Variants in NEBL observed in about 807,000 individuals in gnomAD.
The protein encoded by NEBL is LIM and SH3 protein 2.
In NEBL, 122 loss-of-function variants were observed where a neutral mutation model predicts 140.2. That is an observed-to-expected ratio of 0.87 (90% confidence interval 0.75 to 1.01). The LOEUF (loss-of-function observed/expected upper bound fraction) is 1.01. Ranked by LOEUF, NEBL falls within the 50% of genes least tolerant of loss-of-function variation. The pLI is 0.00. For missense variants in NEBL, 1,365 were observed against 1,231.3 expected (o/e 1.11, Z -1.62); for synonymous variants, 436 against 398.9 (o/e 1.09, Z -1.11).
At chr10:21,084,311 C>G (rs927268635) in intron 2 of NEBL, among the ~76,000 whole-genome samples, 7 of 152,370 alleles carry the variant, frequency 4.6e-5, no homozygotes, top group African/African-American at 1.7e-4. Flanking sequence ...GTCTGTATGG[C>G]TTGCCTCCTC....
intron 3 of NEBL, among the ~76,000 whole-genome samples, chr10:21,005,131 G>A (rs1035632255): frequency 2.0e-5 from 3 of 152,192 alleles, no homozygotes; most frequent in African/African-American, 7.2e-5. Flanking sequence ...AGGACAGAAA[G>A]TTCAATTGCA....
intron 2 of NEBL, among the ~76,000 whole-genome samples, chr10:21,111,575 T>C (rs940748607): frequency 1.3e-5 from 2 of 151,198 alleles, no homozygotes; most frequent in African/African-American, 2.4e-5. Flanking sequence ...CCTTACACCA[T>C]ATACAAAAAT....
upstream of NEBL, chr10:20,899,308 T>C (rs1298597476): frequency 1.0e-6 from 1 of 995,036 alleles, no homozygotes; most frequent in Non-Finnish European, 1.4e-6. Context: ...GAGACACACC[T>C]TTTGGCTCAT....
intron 2 of NEBL, among the ~76,000 whole-genome samples, chr10:21,168,768 G>A (rs942683695): frequency 7.9e-5 from 12 of 151,872 alleles, no homozygotes; most frequent in Admixed American, 1.3e-4. Flanking sequence ...CTCAACAGTG[G>A]CCGGGCGCGG....
intron 3 of NEBL, among the ~76,000 whole-genome samples, chr10:21,230,340 T>C (rs1280312059): frequency 6.6e-6 from 1 of 152,148 alleles, no homozygotes; most frequent in Non-Finnish European, 1.5e-5. Flanking sequence ...TGTCCTAGGA[T>C]GAGCTGAGCA....
intron 2 of NEBL, among the ~76,000 whole-genome samples, chr10:21,060,552 C>T (rs1474966244): frequency 6.6e-6 from 1 of 151,940 alleles, no homozygotes; most frequent in East Asian, 1.9e-4. Flanking sequence ...TAATATTTTC[C>T]CCCTCTACTG....
In NEBL at chr10:21,028,235, CAAAAAAAAA is replaced by C. The variant is rs1168946872; in HGVS notation, c.165-8043_165-8035del. Among the ~76,000 whole-genome samples the C allele has an allele frequency of 1.5e-4, 10 of 66,238 alleles. No homozygotes were observed. The Admixed American group carries it at 1.6e-3, about 11-fold the overall frequency. The allele number at this position is 66,238 out of a possible 152,430, so 43.5% of individuals were successfully genotyped here. Reference sequence around the variant, plus strand: ...GAGCGAGACTCCATCTCAAACATCTCAAAAAAAAAAAAAAAAAAAAAGAAGAAGAAGAAG... The same window carrying C: ...GAGCGAGACTCCATCTCAAACATCTCAAAAAAAAAAAAGAAGAAGAAGAAG... On this transcript the variant is annotated intron_variant, in intron 2 of 6. Transcript: ENST00000417816.
chr10:21,159,643 A>G (rs528087060), intron 2 of NEBL, among the ~76,000 whole-genome samples: 2 of 152,234 alleles, frequency 1.3e-5, no homozygotes, highest in South Asian at 4.1e-4. Context: ...TCCAATCTGG[A>G]CAAGAGGCAC....
intron 2 of NEBL, among the ~76,000 whole-genome samples, chr10:21,125,351 C>T (rs1266336607): frequency 6.6e-6 from 1 of 152,140 alleles, no homozygotes; most frequent in Non-Finnish European, 1.5e-5. Context: ...CATCATAAGA[C>T]TCCTATGAAA....
intron 2 of NEBL, among the ~76,000 whole-genome samples, chr10:21,104,720 T>C (rs1254586022): frequency 1.8e-4 from 27 of 152,206 alleles, no homozygotes; most frequent in Admixed American, 1.8e-3. Flanking sequence ...TTTTTATTAC[T>C]TTCTCCTGCC....
At chr10:20,995,979 G>A (rs1189639549) in intron 3 of NEBL, among the ~76,000 whole-genome samples, 3 of 151,894 alleles carry the variant, frequency 2.0e-5, no homozygotes, top group African/African-American at 4.8e-5. Context: ...TCTTATAAAG[G>A]AAGAGTACCT....
chr10:20,886,764 G>A (rs941863188), intron 4 of NEBL, among the ~76,000 whole-genome samples: 5 of 152,170 alleles, frequency 3.3e-5, no homozygotes, highest in African/African-American at 1.2e-4. Flanking sequence ...TCATTGGGTT[G>A]TTTTGAGGAC....
intron 2 of NEBL, among the ~76,000 whole-genome samples, chr10:21,075,123 AAAG>A (rs1348337401): frequency 2.0e-5 from 3 of 152,250 alleles, no homozygotes; most frequent in Non-Finnish European, 2.9e-5. Flanking sequence ...ATTTTTTTAA[AAAG>A]AAGAACAATA....
chr10:21,204,256 T>C (rs1238712087), intron 3 of NEBL, among the ~76,000 whole-genome samples: 1 of 152,194 alleles, frequency 6.6e-6, no homozygotes, highest in Admixed American at 6.5e-5. Flanking sequence ...TCTTCTGTTA[T>C]GGACTGAACA....
rs1838856277 is a variant in NEBL at position 21,126,788 on chromosome 10, C to T, written c.164+45595G>A. On this transcript the variant is annotated intron_variant, in intron 2 of 6. Transcript: ENST00000417816. ...AGGACTTTGAGACCACCCTGACCAA[C>T]ATGCTGAAACCCTGTCTCCACTAAA... Among the ~76,000 whole-genome samples the T allele has an allele frequency of 2.6e-5, 4 of 151,844 alleles. No individual in the cohort carries two copies. The South Asian group carries it at 6.3e-4, about 24-fold the overall frequency.
In NEBL at chr10:21,222,264, C is replaced by G. The variant is rs143613422; in HGVS notation, n.348+25657G>C. Among the ~76,000 whole-genome samples the G allele has an allele frequency of 2.4e-3, 359 of 147,546 alleles. 1 individual carries two copies. Among genetic ancestry groups the G allele is most frequent in the African/African-American group, 8.6e-3 (345 of 40,054 alleles). ...AGTTGAGAGGCCAGCCTGGGCAACA[C>G]AGTGAGACCCTGTCTCTACCAAAAA... On this transcript the variant is annotated intron_variant and non_coding_transcript_variant, in intron 3 of 8. Transcript: ENST00000675702.
At chr10:21,020,287 CT>C in intron 2 of NEBL, 3 of 1,164,702 alleles carry the variant, frequency 2.6e-6, no homozygotes, top group Non-Finnish European at 3.8e-6. Flanking sequence ...CACATCCCCC[CT>C]TTTCCCAACC....
chr10:20,994,738 A>AGTAT (rs1837598459), intron 3 of NEBL, among the ~76,000 whole-genome samples: 1 of 152,216 alleles, frequency 6.6e-6, no homozygotes, highest in South Asian at 2.1e-4. Flanking sequence ...GTGTTCTTAC[A>AGTAT]ATAAAGTAAG....
intron 2 of NEBL, among the ~76,000 whole-genome samples, chr10:21,128,207 C>G (rs558608675): frequency 6.6e-6 from 1 of 152,260 alleles, no homozygotes; most frequent in South Asian, 2.1e-4. Flanking sequence ...CTTGTTTTCT[C>G]TCTTCCCTCC....
Sources: allele counts gnomAD v4.1 joint callset (sites outside exome capture counted in the v4.1 genomes callset), GRCh38; gene constraint gnomAD v4.1.1; transcripts MANE v1.5; gene names NCBI Gene and HGNC (gene_info 2026-07-23, HGNC 2026-07-21).